The following STAM variants were observed in gnomAD, a reference collection of about 807,000 sequenced individuals.
STAM encodes signal transducing adaptor molecule.
Under a neutral mutation model 63.4 loss-of-function variants are expected in STAM, and 16 were observed. The ratio of observed to expected loss-of-function variants is 0.25; its 90% CI spans 0.17 to 0.38. STAM has a LOEUF of 0.38. STAM is among the 10% of genes least tolerant of loss of function. STAM has a pLI of 1.00. For synonymous variants in STAM, 238 were observed against 223.9 expected, an observed-to-expected ratio of 1.06 and a Z score of -0.56; for missense variants, 636 against 657.1, an observed-to-expected ratio of 0.97 and a Z score of 0.35.
intron 10 of STAM, 143 bp downstream of exon 10, chr10:17,704,661 GT>G: frequency 1.4e-6 from 1 of 711,526 alleles, no homozygotes; most frequent in East Asian, 2.7e-5. Flanking sequence ...CTCATATGCA[GT>G]TGAAACCTTG....
chr10:17,649,173 G>T (rs1016119400), intron 1 of STAM, among the ~76,000 whole-genome samples: 4 of 152,180 alleles, frequency 2.6e-5, no homozygotes, highest in Admixed American at 1.3e-4. Context: ...GGAGGCTGAG[G>T]CAGGAGGATT....
At chr10:17,701,779 C>T (rs782335322) in intron 9 of STAM, among the ~76,000 whole-genome samples, 1 of 152,080 alleles carries the variant, frequency 6.6e-6, no homozygotes, top group African/African-American at 2.4e-5. Context: ...AAAGGCTTAC[C>T]GCTTGCCCGT....
intron 2 of STAM, among the ~76,000 whole-genome samples, chr10:17,683,968 T>C (rs1277061594): frequency 6.6e-6 from 1 of 152,244 alleles, no homozygotes; most frequent in Non-Finnish European, 1.5e-5. Flanking sequence ...TTAGGCAGTA[T>C]GTAGGTATGA....
chr10:17,694,838 G>T (rs1835685804), intron 6 of STAM: 2 of 437,474 alleles, frequency 4.6e-6, no homozygotes, highest in Non-Finnish European at 8.0e-6. Flanking sequence ...TTTTCATGCT[G>T]TTCCAATTTT....
chr10:17,688,040 T>G lies in STAM; in HGVS notation c.311T>G (p.Val104Gly). The stretch of plus-strand genomic sequence containing the variant: ...TCTATTTTACAGGGTCATCCTAAAG[T>G]ATGTGAAAAATTAAAGGCTCTTATG... Reference protein sequence around the residue: ...SNVLNKGHPKVCEKLKALMVE... With the variant: ...SNVLNKGHPKGCEKLKALMVE... Residue 104 changes from valine (V) to glycine (G), a missense_variant, in exon 5 of 14, where the codon GTA becomes GGA. Val to Gly is a moderately radical substitution (Grantham distance 109). Around this residue, in one of 3 missense-constraint regions of STAM, gnomAD observed 532 missense variants for 536.9 expected, o/e 0.99. Coordinates refer to ENST00000377524, the MANE Select transcript of STAM (RefSeq NM_003473.4). The G allele has an allele frequency of 1.3e-6, 2 of 1,594,086 alleles. No homozygotes were observed. The highest frequency in any genetic ancestry group is 1.7e-6 in the Non-Finnish European group (2 of 1,172,358).
At position 17,714,964 on chromosome 10, in the gene STAM, C is replaced by G. The variant is rs540266016; in HGVS notation, c.*184C>G. ...ACTGACTTTTTAGAGGTTCTTCCCC[C>G]CCCGCCCCTGCAGAGGAATGAAACT... is the stretch of plus-strand genomic sequence containing the variant. On this transcript the variant is annotated 3_prime_UTR_variant, in exon 14 of 14. Coordinates refer to ENST00000377524, the MANE Select transcript of STAM (RefSeq NM_003473.4). 5.0e-6 allele frequency: 3 copies of G among 603,920 alleles called. No individual in the cohort carries two copies. Among genetic ancestry groups the G allele is most frequent in the South Asian group, 4.0e-5 (2 of 50,574 alleles). The allele number at this position is 603,920 out of a possible 1,614,324, so 37.4% of individuals were successfully genotyped here.
intron 1 of STAM, among the ~76,000 whole-genome samples, chr10:17,645,744 A>C (rs1354820379): frequency 6.6e-6 from 1 of 152,176 alleles, no homozygotes; most frequent in African/African-American, 2.4e-5. Flanking sequence ...GTTAGCACAC[A>C]CTACAGGACA....
chr10:17,694,992 C>A, intron 6 of STAM, 57 bp from the exon 7 acceptor site: 1 of 1,525,412 alleles, frequency 6.6e-7, no homozygotes, highest in Non-Finnish European at 8.9e-7. Flanking sequence ...TTTTCTACTT[C>A]TTCAGACTGT....
intron 1 of STAM, among the ~76,000 whole-genome samples, chr10:17,649,597 A>G (rs1554821309): frequency 6.6e-6 from 1 of 152,138 alleles, no homozygotes. Flanking sequence ...GTACATAGAA[A>G]GCACTCAAGA....
intron 1 of STAM, among the ~76,000 whole-genome samples, chr10:17,653,698 T>C (rs1833829646): frequency 6.6e-6 from 1 of 152,238 alleles, no homozygotes; most frequent in Non-Finnish European, 1.5e-5. Context: ...AACATTTACA[T>C]TGAATTAGGC....
intron 9 of STAM, among the ~76,000 whole-genome samples, chr10:17,702,217 T>C (rs1417448548): frequency 2.6e-5 from 4 of 152,186 alleles, no homozygotes; most frequent in African/African-American, 9.6e-5. Flanking sequence ...CATTACCTTA[T>C]ACATATGAAT....
chr10:17,676,181 A>G (rs1834847264), intron 2 of STAM, among the ~76,000 whole-genome samples: 1 of 152,244 alleles, frequency 6.6e-6, no homozygotes, highest in South Asian at 2.1e-4. Flanking sequence ...TTGATTGATT[A>G]AGGAAGGTTC....
At position 17,658,965 on chromosome 10, in the gene STAM, A is replaced by G. The variant is rs7098851; in HGVS notation, c.41-1499A>G. Among the ~76,000 whole-genome samples, 798 of 152,264 alleles carry G rather than the reference A, an allele frequency of 5.2e-3. 13 individuals carry two copies. The highest frequency in any genetic ancestry group is 0.019 in the African/African-American group (774 of 41,556). On this transcript the variant is annotated intron_variant, in intron 1 of 13. Coordinates refer to ENST00000377524, the MANE Select transcript of STAM (RefSeq NM_003473.4). ...TAATATACTTGTGTTAATAGCTACC[A>G]TATTTGTTACTGTTTTCTATTCATT...
chr10:17,653,757 G>A (rs1394063866), intron 1 of STAM, among the ~76,000 whole-genome samples: 5 of 152,152 alleles, frequency 3.3e-5, no homozygotes, highest in Non-Finnish European at 7.4e-5. Context: ...ATGTGCAAAG[G>A]CTTTATGCAA....
At chr10:17,659,733 G>A (rs1236915006) in intron 1 of STAM, among the ~76,000 whole-genome samples, 1 of 151,790 alleles carries the variant, frequency 6.6e-6, no homozygotes, top group East Asian at 1.9e-4. Context: ...AAAATGCTGG[G>A]ATTACAGGCA....
intron 1 of STAM, among the ~76,000 whole-genome samples, chr10:17,650,568 A>G (rs1174419360): frequency 2.6e-5 from 4 of 152,196 alleles, no homozygotes; most frequent in Non-Finnish European, 4.4e-5. Context: ...CTAAACAACA[A>G]ATGTATCCTG....
intron 2 of STAM, among the ~76,000 whole-genome samples, chr10:17,664,238 T>TA: frequency 6.6e-6 from 1 of 152,180 alleles, no homozygotes; most frequent in Non-Finnish European, 1.5e-5. Flanking sequence ...GTGGGATACT[T>TA]ATGGTGGCAT....
At chr10:17,687,918 T>G in intron 4 of STAM, 109 bp from the exon 5 acceptor site, 1 of 922,240 alleles carries the variant, frequency 1.1e-6, no homozygotes, top group Non-Finnish European at 1.5e-6. Flanking sequence ...TAGCTATGCA[T>G]AACTTGTGAT....
chr10:17,707,711 T>C (rs982715382), intron 12 of STAM, among the ~76,000 whole-genome samples: 1 of 152,176 alleles, frequency 6.6e-6, no homozygotes, highest in East Asian at 1.9e-4. Context: ...TTTGGATCCC[T>C]GTGTGGGTCT....
Sources: gnomAD v4.1 joint callset for allele counts (sites outside exome capture counted in the v4.1 genomes callset) on GRCh38, gnomAD v4.1.1 for gene constraint, gnomAD v4.1.1 regional missense constraint, MANE v1.5 for transcripts, NCBI Gene and HGNC (gene_info 2026-07-23, HGNC 2026-07-21) for gene names.